FOCAD: variants seen among roughly 807,000 people sequenced by gnomAD.
FOCAD encodes KIAA1797.
In FOCAD, 198 loss-of-function variants were observed where a neutral mutation model predicts 225.6. The observed-to-expected ratio is 0.88, with a 90% CI of 0.78 to 0.99. FOCAD has a LOEUF of 0.99. Ranked by LOEUF, FOCAD falls within the 50% of genes least tolerant of loss-of-function variation. FOCAD has a pLI of 0.00. For missense variants in FOCAD, 2,713 were observed against 2,123.6 expected, an observed-to-expected ratio of 1.28 and a Z score of -5.46; for synonymous variants, 897 against 755.0, an observed-to-expected ratio of 1.19 and a Z score of -3.08.
At chr9:20,786,310 G>T (rs1238764263) in intron 10 of FOCAD, among the ~76,000 whole-genome samples, 3 of 152,118 alleles carry the variant, frequency 2.0e-5, no homozygotes, top group African/African-American at 7.2e-5. Context: ...ACTTAAAAAG[G>T]AATTAGTAAG....
chr9:20,915,607 G>T (rs1394057560), intron 23 of FOCAD, among the ~76,000 whole-genome samples: 1 of 152,124 alleles, frequency 6.6e-6, no homozygotes, highest in African/African-American at 2.4e-5. Flanking sequence ...GAGAGTGGAA[G>T]GAAATAACGA....
chr9:20,929,768 T>G (rs532839173), intron 27 of FOCAD, among the ~76,000 whole-genome samples, 172 bp downstream of exon 27: 39 of 152,312 alleles, frequency 2.6e-4, no homozygotes, highest in African/African-American at 9.1e-4. Context: ...TTTATCTATC[T>G]AAAATACCAT....
intron 21 of FOCAD, among the ~76,000 whole-genome samples, chr9:20,894,850 G>A (rs1185257854): frequency 6.6e-6 from 1 of 151,952 alleles, no homozygotes; most frequent in Admixed American, 6.6e-5. Context: ...CATATCCATT[G>A]TTTATTTAAT....
chr9:20,931,079 A>G (rs937982679), intron 27 of FOCAD, among the ~76,000 whole-genome samples: 4 of 152,164 alleles, frequency 2.6e-5, no homozygotes, highest in Non-Finnish European at 5.9e-5. Context: ...TTTCTTCACT[A>G]ACTTAGGAGG....
intron 39 of FOCAD, 97 bp downstream of exon 39, chr9:20,982,543 A>G (rs1176585098): frequency 1.1e-6 from 1 of 913,308 alleles, no homozygotes; most frequent in Non-Finnish European, 1.7e-6. Flanking sequence ...GTTTTGCTTC[A>G]TTTTTGTTAT....
chr9:20,968,991 G>C (rs1839524632), intron 35 of FOCAD, among the ~76,000 whole-genome samples: 1 of 152,058 alleles, frequency 6.6e-6, no homozygotes, highest in Non-Finnish European at 1.5e-5. Flanking sequence ...TTGTCTCAAA[G>C]TATTTTATAA....
At chr9:20,798,051 C>T (rs1821332812) in intron 11 of FOCAD, among the ~76,000 whole-genome samples, 1 of 152,096 alleles carries the variant, frequency 6.6e-6, no homozygotes, top group African/African-American at 2.4e-5. Flanking sequence ...GAGTTTTTAG[C>T]ATGAAGCATT....
At position 20,815,123 on chromosome 9, in the gene FOCAD, G is replaced by GGTT. The variant is rs796702774; in HGVS notation, c.1456-4673_1456-4672insGTT. ...TCTGGAAATATCATTACTTCTCTTTGTTTTTTTTTTTTTGTTTTTTTTTTT... is the reference window on the plus strand; with the variant it reads ...TCTGGAAATATCATTACTTCTCTTTGGTTTTTTTTTTTTTTTGTTTTTTTTTTT... On this transcript the variant is annotated intron_variant, in intron 11 of 43. Transcript: ENST00000338382. 2.2e-3 allele frequency among the ~76,000 whole-genome samples: 184 copies of GGTT among 85,368 alleles called. 13 individuals are homozygous for GGTT. The highest frequency in any genetic ancestry group is 0.017 in the Middle Eastern group (2 of 118). The allele number at this position is 85,368 out of a possible 152,430, so 56.0% of individuals were successfully genotyped here. A position where few individuals can be genotyped will look rare whatever the true frequency, so the allele number is the denominator to read the frequency against.
In FOCAD at chr9:20,801,518, T is replaced by G. The variant is rs571454783; in HGVS notation, c.1455+11910T>G. Among the ~76,000 whole-genome samples the G allele has an allele frequency of 2.0e-5, 3 of 152,306 alleles. No individual in the cohort carries two copies. The South Asian group carries it at 6.2e-4, about 32-fold the overall frequency. ...TTTTAATTGTAATTTAGGATACAAA[T>G]ACAGTTATTGAGGCACTCATAATGC... On this transcript the variant is annotated intron_variant, in intron 11 of 43. Transcript: ENST00000338382.
intron 6 of FOCAD, among the ~76,000 whole-genome samples, chr9:20,762,672 A>G (rs531228989): frequency 6.6e-6 from 1 of 152,336 alleles, no homozygotes; most frequent in South Asian, 2.1e-4. Context: ...ATAATTAAAA[A>G]GAATTCCCTT....
At chr9:20,933,213 A>G (rs1835651754) in intron 28 of FOCAD, 110 bp downstream of exon 28, 1 of 754,848 alleles carries the variant, frequency 1.3e-6, no homozygotes, top group Non-Finnish European at 2.1e-6. Flanking sequence ...TTTTATTTCC[A>G]TAGGTTATTG....
chr9:20,856,515 A>G (rs972464019), intron 15 of FOCAD, among the ~76,000 whole-genome samples: 1 of 151,948 alleles, frequency 6.6e-6, no homozygotes, highest in Non-Finnish European at 1.5e-5. Flanking sequence ...ATAGTTTGCA[A>G]ATATTTTCTC....
At position 20,891,058 on chromosome 9, in the gene FOCAD, T is replaced by G. The variant is rs992379089; in HGVS notation, c.2625+5828T>G. Among the ~76,000 whole-genome samples the G allele has an allele frequency of 2.0e-5, 3 of 152,308 alleles. No homozygotes were observed. The South Asian group carries it at 6.2e-4, about 32-fold the overall frequency. ...CATTTTGCTAACAAAATGTGAAATA[T>G]TTCTTTTTTATCATCATGTCTGTTG... On this transcript the variant is annotated intron_variant, in intron 21 of 43. Coordinates refer to ENST00000338382, the MANE Select transcript of FOCAD (RefSeq NM_001375567.1).
At chr9:20,937,855 T>A (rs1836159215) in intron 28 of FOCAD, among the ~76,000 whole-genome samples, 1 of 152,128 alleles carries the variant, frequency 6.6e-6, no homozygotes, top group Non-Finnish European at 1.5e-5. Context: ...ATATCCAGAA[T>A]CTACAATGAA....
intron 4 of FOCAD, among the ~76,000 whole-genome samples, chr9:20,731,190 A>T (rs1224837880): frequency 6.6e-6 from 1 of 152,170 alleles, no homozygotes. Flanking sequence ...GTGAGCCAAG[A>T]TCGTGCCACT....
chr9:20,773,725 T>C (rs1220464101), intron 8 of FOCAD, among the ~76,000 whole-genome samples: 1 of 152,208 alleles, frequency 6.6e-6, no homozygotes, highest in Non-Finnish European at 1.5e-5. Context: ...ATCTTTTAAG[T>C]GTCTTTCCAA....
intron 24 of FOCAD, 23 bp from the exon 25 acceptor site, chr9:20,923,637 G>C: frequency 1.3e-6 from 2 of 1,597,620 alleles, no homozygotes; most frequent in Non-Finnish European, 1.7e-6. Flanking sequence ...GTTCTCTGTT[G>C]AAATTTTTTT....
intron 29 of FOCAD, 87 bp from the exon 30 acceptor site, chr9:20,946,614 G>T (rs78419596): frequency 2.1e-6 from 3 of 1,413,316 alleles, no homozygotes; most frequent in East Asian, 4.8e-5. Flanking sequence ...CTCTGGGGGG[G>T]AGTTTGACAG....
At chr9:20,752,235 T>C (rs1828626385) in intron 5 of FOCAD, among the ~76,000 whole-genome samples, 1 of 151,896 alleles carries the variant, frequency 6.6e-6, no homozygotes, top group African/African-American at 2.4e-5. Context: ...TCCTTGCCCA[T>C]GCCTATGTCC....
Sources: allele counts gnomAD v4.1 joint callset (sites outside exome capture counted in the v4.1 genomes callset), GRCh38; gene constraint gnomAD v4.1.1; transcripts MANE v1.5; gene names NCBI Gene and HGNC (gene_info 2026-07-23, HGNC 2026-07-21).